Variants in S100Z observed in about 807,000 individuals in gnomAD.
S100Z encodes protein S100-Z.
S100Z carries 11 observed loss-of-function variants against 8.5 expected under a neutral mutation model. The observed-to-expected ratio is 1.30, with a 90% CI of 0.82 to 2.15. S100Z has a LOEUF of 2.15. Among genes scored for constraint, S100Z ranks in the 30% most tolerant of loss-of-function variants. The pLI, the probability that S100Z is intolerant of heterozygous loss-of-function variation, is 0.00. For synonymous variants in S100Z, 34 were observed against 43.8 expected (o/e 0.78, Z 0.89); for missense variants, 126 against 117.9 (o/e 1.07, Z -0.32).
the S100Z span, among the ~76,000 whole-genome samples, chr5:76,940,692 C>T: frequency 2.0e-5 from 3 of 152,260 alleles, no homozygotes; most frequent in Middle Eastern, 3.4e-3. Flanking sequence ...GGATTACAGG[C>T]GTGAGCCAAC....
intron 1 of S100Z, among the ~76,000 whole-genome samples, chr5:76,853,840 G>A (rs563437062): frequency 4.6e-5 from 7 of 152,172 alleles, no homozygotes; most frequent in African/African-American, 1.4e-4. Flanking sequence ...GTTGGAGTGG[G>A]GCTTGGTGGG....
intron 4 of S100Z, among the ~76,000 whole-genome samples, chr5:76,906,467 A>G (rs1432003116): frequency 6.6e-6 from 1 of 152,044 alleles, no homozygotes; most frequent in Non-Finnish European, 1.5e-5. Context: ...TGCTACTATC[A>G]TTGTACTTTC....
downstream of S100Z, among the ~76,000 whole-genome samples, chr5:76,923,982 C>T (rs1745090874): frequency 6.6e-6 from 1 of 152,094 alleles, no homozygotes; most frequent in Non-Finnish European, 1.5e-5. Flanking sequence ...CTCCGAAGAT[C>T]CCTGATCTAT....
intron 4 of S100Z, among the ~76,000 whole-genome samples, chr5:76,919,513 T>G (rs953947983): frequency 6.6e-6 from 1 of 151,598 alleles, no homozygotes; most frequent in African/African-American, 2.4e-5. Context: ...TCAGGTCTTC[T>G]CTTCTTCTCC....
rs150240793 is a variant in S100Z, at chr5:76,868,823, C to A, written c.-175-1343C>A. Among the ~76,000 whole-genome samples, 974 of 152,132 alleles carry A rather than the reference C, an allele frequency of 6.4e-3. 8 individuals carry two copies. The highest frequency in any genetic ancestry group is 0.022 in the African/African-American group (915 of 41,492). On this transcript the variant is annotated intron_variant, in intron 1 of 4. Transcript: ENST00000317593. ...ATTTTTAGTAGAGACGGGGTTTCACCGTTTTGGTCAGGCTGGTCTCAAACT... is the reference window on the plus strand; with the variant it reads ...ATTTTTAGTAGAGACGGGGTTTCACAGTTTTGGTCAGGCTGGTCTCAAACT...
intron 4 of S100Z, among the ~76,000 whole-genome samples, chr5:76,897,968 C>T (rs1178618273): frequency 6.6e-6 from 1 of 152,028 alleles, no homozygotes; most frequent in Non-Finnish European, 1.5e-5. Flanking sequence ...TTTGAATGCC[C>T]TTTATATCCT....
the S100Z span, chr5:76,948,830 C>T: frequency 1.3e-5 from 2 of 152,112 alleles, no homozygotes; most frequent in African/African-American, 4.8e-5. Context: ...TTCCCCTTGA[C>T]AAGAGGAACA....
rs140027520 is a variant in S100Z at position 76,894,835 on chromosome 5, C to T, written c.*2+17001C>T. 9.2e-3 allele frequency among the ~76,000 whole-genome samples: 1,395 copies of T among 152,114 alleles called. 28 individuals carry two copies. Among genetic ancestry groups the T allele is most frequent in the African/African-American group, 0.031 (1,305 of 41,472 alleles). ...AACCCCTGACCTCAGGTGATCCACC[C>T]GCCTCGGCCTCCCAAAGTCCTGGGA... On this transcript the variant is annotated intron_variant, in intron 4 of 4. Transcript: ENST00000317593.
chr5:76,896,554 T>A (rs1016430043), intron 4 of S100Z, among the ~76,000 whole-genome samples: 19 of 152,230 alleles, frequency 1.2e-4, no homozygotes, highest in African/African-American at 4.6e-4. Context: ...TACTCAGCAG[T>A]GGGATTCCAG....
intron 4 of S100Z, among the ~76,000 whole-genome samples, chr5:76,918,696 T>G (rs535234118): frequency 6.6e-6 from 1 of 152,338 alleles, no homozygotes; most frequent in South Asian, 2.1e-4. Flanking sequence ...GACACATCAT[T>G]ATTACCCAGT....
intron 1 of S100Z, among the ~76,000 whole-genome samples, chr5:76,869,954 C>T (rs1389434487): frequency 6.6e-6 from 1 of 151,540 alleles, no homozygotes; most frequent in Non-Finnish European, 1.5e-5. Flanking sequence ...ACCCAGGAGG[C>T]AGAGGTTGCA....
intron 1 of S100Z, among the ~76,000 whole-genome samples, chr5:76,850,471 C>T (rs887870415): frequency 4.6e-5 from 7 of 152,212 alleles, no homozygotes; most frequent in African/African-American, 1.7e-4. Context: ...TGGCTTCCTG[C>T]TTGGCCTTCA....
At chr5:76,888,708 G>T (rs772953553) in intron 4 of S100Z, among the ~76,000 whole-genome samples, 1 of 152,126 alleles carries the variant, frequency 6.6e-6, no homozygotes, top group Non-Finnish European at 1.5e-5. Flanking sequence ...GAGCCACCGT[G>T]TCTGACGGAA....
chr5:76,951,746 G>A, the S100Z span, among the ~76,000 whole-genome samples: 1 of 152,170 alleles, frequency 6.6e-6, no homozygotes, highest in South Asian at 2.1e-4. Context: ...GGTGGCCAGT[G>A]TCCATGAGCT....
intron 2 of S100Z, among the ~76,000 whole-genome samples, chr5:76,873,311 ATT>A (rs1355914184): frequency 5.2e-5 from 7 of 134,658 alleles, no homozygotes; most frequent in African/African-American, 1.1e-4. Flanking sequence ...AAAACTAACA[ATT>A]TTTTTTTTTT....
chr5:76,907,104 G>C (rs1269491067), intron 4 of S100Z, among the ~76,000 whole-genome samples: 15 of 148,392 alleles, frequency 1.0e-4, no homozygotes, highest in Non-Finnish European at 2.1e-4. Context: ...GCTATTGAAG[G>C]TTCTTTTTTG....
chr5:76,877,201 G>A (rs951788419), intron 3 of S100Z, among the ~76,000 whole-genome samples: 4 of 152,112 alleles, frequency 2.6e-5, no homozygotes, highest in African/African-American at 7.2e-5. Flanking sequence ...ACTTTCAAAA[G>A]TGTGATGAAG....
At chr5:76,916,160 CAAA>C (rs60866296) in intron 4 of S100Z, among the ~76,000 whole-genome samples, 3 of 66,804 alleles carry the variant, frequency 4.5e-5, no homozygotes, top group African/African-American at 4.0e-5. Context: ...GACTCCATCT[CAAA>C]AAAAAAAAAA....
Position 76,906,970 on chromosome 5 carries a change from GTGTGTGTATA to G in S100Z, c.*3-13745_*3-13736del, listed in dbSNP as rs1383509052. The stretch of plus-strand genomic sequence containing the variant: ...TAAAGGCTGAATAGTATTCCATTGT[GTGTGTGTATA>G]TATATATATATATATATATATATAT... On this transcript the variant is annotated intron_variant, in intron 4 of 4. Transcript: ENST00000317593. Among the ~76,000 whole-genome samples, 182 of 26,046 alleles carry G rather than the reference GTGTGTGTATA, an allele frequency of 7.0e-3. 1 individual carries two copies. The highest frequency in any genetic ancestry group is 0.058 in the African/African-American group (169 of 2,936). The allele number at this position is 26,046 out of a possible 152,430, so 17.1% of individuals were successfully genotyped here.
Sources: allele counts gnomAD v4.1 joint callset (sites outside exome capture counted in the v4.1 genomes callset), GRCh38; gene constraint gnomAD v4.1.1; transcripts MANE v1.5; gene names NCBI Gene and HGNC (gene_info 2026-07-23, HGNC 2026-07-21).